Variants in SPIRE1 observed in about 807,000 individuals in gnomAD.
SPIRE1 encodes the protein protein spire homolog 1.
SPIRE1 carries 40 observed loss-of-function variants against 94.1 expected under a neutral mutation model. That is an observed-to-expected ratio of 0.43 (90% confidence interval 0.33 to 0.55). The LOEUF is 0.55. Ranked by LOEUF, SPIRE1 falls within the 20% of genes least tolerant of loss-of-function variation. SPIRE1 has a pLI of 0.06. For synonymous variants in SPIRE1, 376 were observed against 371.7 expected (o/e 1.01, Z -0.13); for missense variants, 838 against 975.2 (o/e 0.86, Z 1.87).
At chr18:12,659,125 C>G (rs115808117), upstream of SPIRE1, among the ~76,000 whole-genome samples, 392 of 152,298 alleles carry the variant, frequency 2.6e-3, 1 homozygote, top group African/African-American at 9.0e-3. Flanking sequence ...TGAGGCTAGT[C>G]CTGTGTGAAA....
At chr18:12,515,109 C>T (rs2034159755) in intron 4 of SPIRE1, among the ~76,000 whole-genome samples, 1 of 151,990 alleles carries the variant, frequency 6.6e-6, no homozygotes, top group Non-Finnish European at 1.5e-5. Flanking sequence ...AGGCTGATCC[C>T]ACAGAAGCAA....
At chr18:12,628,468 G>A (rs2037690907) in intron 2 of SPIRE1, among the ~76,000 whole-genome samples, 1 of 152,180 alleles carries the variant, frequency 6.6e-6, no homozygotes, top group Non-Finnish European at 1.5e-5. Flanking sequence ...AGTATAGTTT[G>A]AAGTCAGGTA....
intron 2 of SPIRE1, among the ~76,000 whole-genome samples, chr18:12,622,321 A>G (rs116196145): frequency 6.6e-6 from 1 of 152,214 alleles, no homozygotes; most frequent in Non-Finnish European, 1.5e-5. Flanking sequence ...AAAACAGCAG[A>G]TGAACAATAC....
intron 2 of SPIRE1, among the ~76,000 whole-genome samples, chr18:12,573,840 C>T (rs1233325680): frequency 3.3e-5 from 5 of 151,936 alleles, no homozygotes; most frequent in African/African-American, 9.7e-5. Flanking sequence ...CCCGGGTTCA[C>T]GCCATTCTCC....
At chr18:12,611,413 T>C (rs1164164264) in intron 2 of SPIRE1, among the ~76,000 whole-genome samples, 1 of 152,200 alleles carries the variant, frequency 6.6e-6, no homozygotes, top group Non-Finnish European at 1.5e-5. Flanking sequence ...TAAGCACTCC[T>C]ATGGAGAAGA....
rs1056410029 is a variant in SPIRE1 at position 12,447,908 on chromosome 18, T to C, written c.*1730A>G. 6.6e-6 allele frequency: 1 copy of C among 152,082 alleles called. No homozygotes were observed. Among genetic ancestry groups the C allele is most frequent in the Non-Finnish European group, 1.5e-5 (1 of 68,020 alleles). 9.4% of individuals were successfully genotyped at this position (152,082 alleles called of 1,614,324 possible). A position where few individuals can be genotyped will look rare whatever the true frequency, so the allele number is the denominator to read the frequency against. On this transcript the variant is annotated 3_prime_UTR_variant, in exon 17 of 17. Transcript: ENST00000409402. ...TCAAGCCTGGGGTCATCAAAAGGGGTAGATTTATACTCCCACCTAACTGTC... is the reference window on the plus strand; with the variant it reads ...TCAAGCCTGGGGTCATCAAAAGGGGCAGATTTATACTCCCACCTAACTGTC...
intron 2 of SPIRE1, among the ~76,000 whole-genome samples, chr18:12,627,598 T>C (rs900991290): frequency 3.9e-5 from 6 of 152,330 alleles, no homozygotes; most frequent in African/African-American, 9.6e-5. Context: ...CTAGGTCAAA[T>C]GGTATTTCTA....
At position 12,599,716 on chromosome 18, in the gene SPIRE1, A is replaced by C. The variant is rs199977352; in HGVS notation, c.372+35346T>G. ...CACTTGGCAGAGATACCTGGCAGAG[A>C]TACATGACCCTTTCAGTGAGTCAGG... On this transcript the variant is annotated intron_variant, in intron 2 of 16. Coordinates refer to ENST00000409402, the MANE Select transcript of SPIRE1 (RefSeq NM_001128626.2). Among the ~76,000 whole-genome samples the C allele has an allele frequency of 4.6e-5, 7 of 152,318 alleles. No individual in the cohort carries two copies. The East Asian group carries it at 1.4e-3, about 29-fold the overall frequency.
At chr18:12,628,300 T>C (rs1292698165) in intron 2 of SPIRE1, among the ~76,000 whole-genome samples, 1 of 152,216 alleles carries the variant, frequency 6.6e-6, no homozygotes, top group Admixed American at 6.5e-5. Context: ...ATGTATTAAA[T>C]AGGGAATCCT....
intron 9 of SPIRE1, among the ~76,000 whole-genome samples, chr18:12,483,828 T>C (rs1462536409): frequency 6.6e-6 from 1 of 152,172 alleles, no homozygotes; most frequent in African/African-American, 2.4e-5. Flanking sequence ...GAATCAATCT[T>C]TTCTATTTAT....
In SPIRE1 at chr18:12,657,941, G is replaced by GCGCCGCCGCCTCACCATCCCCGGAAC; in HGVS notation, c.-101_-76dup. On this transcript the variant is annotated 5_prime_UTR_variant, in exon 1 of 17. The change creates a new upstream start codon in the 5' untranslated region. Transcript: ENST00000409402. ...CTCAGCTCCGGAGCATCGTCGTCGC[G>GCGCCGCCGCCTCACCATCCCCGGAAC]CGCCGCCGCCTCACCATCCCCGGAA... The GCGCCGCCGCCTCACCATCCCCGGAAC allele has an allele frequency of 3.0e-6, 3 of 1,010,700 alleles. No homozygotes were observed. The South Asian group carries it at 1.4e-4, about 46-fold the overall frequency. 62.6% of individuals were successfully genotyped at this position (1,010,700 alleles called of 1,614,324 possible). A position where few individuals can be genotyped will look rare whatever the true frequency, so the allele number is the denominator to read the frequency against.
intron 7 of SPIRE1, among the ~76,000 whole-genome samples, chr18:12,494,402 T>G: frequency 6.6e-6 from 1 of 152,240 alleles, no homozygotes; most frequent in African/African-American, 2.4e-5. Context: ...ACATGGTCCA[T>G]GCTCCTTCTG....
At chr18:12,452,607 A>G in intron 14 of SPIRE1, 95 bp from the exon 15 acceptor site, 2 of 1,195,738 alleles carry the variant, frequency 1.7e-6, no homozygotes, top group Non-Finnish European at 2.5e-6. Context: ...AAGTTTCCAC[A>G]ATAAACTGCA....
At chr18:12,544,328 T>C (rs2035094440) in intron 3 of SPIRE1, among the ~76,000 whole-genome samples, 1 of 151,842 alleles carries the variant, frequency 6.6e-6, no homozygotes, top group African/African-American at 2.4e-5. Context: ...GCCTCCTGAC[T>C]AGCTGGGACT....
intron 2 of SPIRE1, among the ~76,000 whole-genome samples, chr18:12,569,058 T>G (rs962511888): frequency 6.6e-6 from 1 of 152,064 alleles, no homozygotes; most frequent in Non-Finnish European, 1.5e-5. Flanking sequence ...AGGCATAACA[T>G]GGCCGGGTGC....
intron 1 of SPIRE1, among the ~76,000 whole-genome samples, chr18:12,651,971 T>C (rs1440242140): frequency 6.6e-6 from 1 of 152,192 alleles, no homozygotes; most frequent in African/African-American, 2.4e-5. Context: ...AATCAACATA[T>C]GGCCATAATT....
intron 10 of SPIRE1, among the ~76,000 whole-genome samples, chr18:12,475,501 G>C (rs2032529326): frequency 1.3e-5 from 2 of 152,004 alleles, no homozygotes; most frequent in Admixed American, 1.3e-4. Context: ...TGGAAAAAAT[G>C]GAGTGGTACT....
At chr18:12,595,459 T>C (rs1190030841) in intron 2 of SPIRE1, among the ~76,000 whole-genome samples, 1 of 152,246 alleles carries the variant, frequency 6.6e-6, no homozygotes, top group Non-Finnish European at 1.5e-5. Context: ...TCAGTGACCC[T>C]AACCACCACG....
chr18:12,611,331 A>C (rs117810441), intron 2 of SPIRE1, among the ~76,000 whole-genome samples: 1 of 152,168 alleles, frequency 6.6e-6, no homozygotes, highest in African/African-American at 2.4e-5. Context: ...ACTTCCATAC[A>C]TGGTAGCTTC....
Sources: allele counts gnomAD v4.1 joint callset (sites outside exome capture counted in the v4.1 genomes callset), GRCh38; gene constraint gnomAD v4.1.1; transcripts MANE v1.5; gene names NCBI Gene and HGNC (gene_info 2026-07-23, HGNC 2026-07-21).